The following HSPA12A variants were observed in gnomAD, a reference collection of about 807,000 sequenced individuals.
The protein encoded by HSPA12A is heat shock protein family A (Hsp70) member 12A, also known as heat shock 70 kDa protein 12A.
In HSPA12A, 28 loss-of-function variants were observed where a neutral mutation model predicts 69.2. The observed-to-expected ratio is 0.40, with a 90% CI of 0.30 to 0.55. HSPA12A has a LOEUF of 0.55. Among genes scored for constraint, HSPA12A ranks in the 20% least tolerant of loss-of-function variants. The probability of loss-of-function intolerance (pLI) is 0.38; values close to 1 mark genes in which losing one functional copy is unlikely to be tolerated. For missense variants in HSPA12A, 686 were observed against 900.7 expected, an observed-to-expected ratio of 0.76 and a Z score of 3.05; for synonymous variants, 345 against 370.5, an observed-to-expected ratio of 0.93 and a Z score of 0.79.
At chr10:116,695,435 G>C (rs561438856) in intron 5 of HSPA12A, among the ~76,000 whole-genome samples, 1 of 152,172 alleles carries the variant, frequency 6.6e-6, no homozygotes, top group East Asian at 1.9e-4. Context: ...TGTAATCCCA[G>C]CACTTTGAGT....
At chr10:116,676,823 C>G (rs907506532) in intron 10 of HSPA12A, among the ~76,000 whole-genome samples, 2 of 152,206 alleles carry the variant, frequency 1.3e-5, no homozygotes, top group African/African-American at 4.8e-5. Context: ...ACACTTTGAA[C>G]CCAACAATAT....
chr10:116,810,459 T>A (rs1266803761), intron 2 of HSPA12A, among the ~76,000 whole-genome samples: 3 of 152,198 alleles, frequency 2.0e-5, no homozygotes, highest in African/African-American at 7.2e-5. Flanking sequence ...CTTTTCCTTT[T>A]GAAGGTAAAG....
chr10:116,839,783 G>A (rs193223922), intron 1 of HSPA12A, among the ~76,000 whole-genome samples: 8 of 152,180 alleles, frequency 5.3e-5, no homozygotes, highest in South Asian at 2.1e-4. Flanking sequence ...CTGCATGATC[G>A]TAAACATAGT....
chr10:116,745,297 G>T (rs1851624639), upstream of HSPA12A, among the ~76,000 whole-genome samples: 2 of 152,202 alleles, frequency 1.3e-5, no homozygotes, highest in African/African-American at 2.4e-5. Context: ...CCAGCACACA[G>T]ACATTCTGCT....
intron 2 of HSPA12A, among the ~76,000 whole-genome samples, chr10:116,755,391 C>A (rs1434580453): frequency 2.6e-5 from 4 of 151,648 alleles, no homozygotes; most frequent in African/African-American, 9.7e-5. Context: ...ATGAGCAGAT[C>A]ACTTGAAGCC....
intron 2 of HSPA12A, among the ~76,000 whole-genome samples, chr10:116,790,447 C>T (rs1216315752): frequency 6.6e-6 from 1 of 152,006 alleles, no homozygotes; most frequent in Non-Finnish European, 1.5e-5. Context: ...TCTTCCTGCC[C>T]TCAGCCCACT....
intron 6 of HSPA12A, 118 bp from the exon 7 acceptor site, chr10:116,684,080 ACATTC>A: frequency 2.5e-6 from 2 of 813,362 alleles, no homozygotes; most frequent in Non-Finnish European, 3.6e-6. Flanking sequence ...CATCTGTGGG[ACATTC>A]TCTACACAGT....
At chr10:116,688,398 A>G (rs1336608509) in intron 6 of HSPA12A, among the ~76,000 whole-genome samples, 1 of 152,238 alleles carries the variant, frequency 6.6e-6, no homozygotes, top group African/African-American at 2.4e-5. Context: ...GCGACATCGT[A>G]GTAGCTTTTT....
intron 2 of HSPA12A, among the ~76,000 whole-genome samples, chr10:116,784,714 C>T (rs561027098): frequency 2.6e-5 from 4 of 152,204 alleles, no homozygotes; most frequent in Non-Finnish European, 5.9e-5. Context: ...CTTGTGCTTC[C>T]GGCCCCAGCT....
At chr10:116,800,274 C>G (rs181601371) in intron 2 of HSPA12A, among the ~76,000 whole-genome samples, 147 of 152,302 alleles carry the variant, frequency 9.7e-4, no homozygotes, top group Non-Finnish European at 1.7e-3. Flanking sequence ...AGCCTCTCCC[C>G]CAACTTACCC....
At chr10:116,780,980 C>A (rs1844450870) in intron 2 of HSPA12A, among the ~76,000 whole-genome samples, 1 of 152,186 alleles carries the variant, frequency 6.6e-6, no homozygotes, top group Non-Finnish European at 1.5e-5. Context: ...CTAGCCCCAT[C>A]CTGGCTGGGT....
At chr10:116,838,720 G>A (rs563438275) in intron 1 of HSPA12A, among the ~76,000 whole-genome samples, 2 of 152,292 alleles carry the variant, frequency 1.3e-5, no homozygotes, top group South Asian at 2.1e-4. Flanking sequence ...ACAAAAGAGG[G>A]TTTGTAAAGA....
chr10:116,804,689 ATAAGAT>A (rs1217105201), intron 2 of HSPA12A, among the ~76,000 whole-genome samples: 1 of 152,284 alleles, frequency 6.6e-6, no homozygotes, highest in East Asian at 1.9e-4. Flanking sequence ...CCTGGTTGTT[ATAAGAT>A]TAAAACAATT....
intron 6 of HSPA12A, among the ~76,000 whole-genome samples, chr10:116,690,139 T>C (rs1368076910): frequency 6.6e-6 from 1 of 152,056 alleles, no homozygotes; most frequent in African/African-American, 2.4e-5. Flanking sequence ...GCTCATAGAG[T>C]TGCAAATTTC....
At chr10:116,717,593 G>C (rs782053295) in intron 1 of HSPA12A, among the ~76,000 whole-genome samples, 4 of 152,094 alleles carry the variant, frequency 2.6e-5, no homozygotes, top group Admixed American at 6.6e-5. Flanking sequence ...ATGCCACTGG[G>C]TGGGCATCTA....
chr10:116,698,834 T>C, intron 4 of HSPA12A, 95 bp from the exon 5 acceptor site: 4 of 919,362 alleles, frequency 4.4e-6, no homozygotes, highest in Non-Finnish European at 5.2e-6. Flanking sequence ...TAGAGGATCC[T>C]GGTGAGCCAT....
At chr10:116,680,887 AT>A (rs1849382511) in intron 9 of HSPA12A, among the ~76,000 whole-genome samples, 1 of 152,218 alleles carries the variant, frequency 6.6e-6, no homozygotes, top group South Asian at 2.1e-4. Context: ...TCCTTTCGGA[AT>A]TTTCAGAAAC....
chr10:116,781,283 G>T (rs1844456561), intron 2 of HSPA12A, among the ~76,000 whole-genome samples: 1 of 151,624 alleles, frequency 6.6e-6, no homozygotes, highest in Non-Finnish European at 1.5e-5. Context: ...GTGAGACCCT[G>T]CCTCTTAAAA....
chr10:116,744,272 C>G (rs1473254954), upstream of HSPA12A, among the ~76,000 whole-genome samples: 1 of 152,246 alleles, frequency 6.6e-6, no homozygotes. Context: ...CCACCAGCAA[C>G]CTAAGAACTT....
Sources: allele counts gnomAD v4.1 joint callset (sites outside exome capture counted in the v4.1 genomes callset), GRCh38; gene constraint gnomAD v4.1.1; transcripts MANE v1.5; gene names NCBI Gene and HGNC (gene_info 2026-07-23, HGNC 2026-07-21).